Variants in SNTB1 observed in about 807,000 individuals in gnomAD.
The protein encoded by SNTB1 is syntrophin beta 1.
In SNTB1, 36 loss-of-function variants were observed where a neutral mutation model predicts 48.9. That is an observed-to-expected ratio of 0.74 (90% CI 0.56 to 0.97). SNTB1 has a LOEUF of 0.97. Among genes scored for constraint, SNTB1 ranks in the 50% least tolerant of loss-of-function variants. The probability of loss-of-function intolerance (pLI) is 0.00; values close to 1 mark genes in which losing one functional copy is unlikely to be tolerated. For synonymous variants in SNTB1, 299 were observed against 294.6 expected (o/e 1.01, Z -0.15); for missense variants, 786 against 703.4 (o/e 1.12, Z -1.33).
chr8:120,754,954 T>G (rs1819288954), intron 1 of SNTB1, among the ~76,000 whole-genome samples: 1 of 152,094 alleles, frequency 6.6e-6, no homozygotes, highest in Admixed American at 6.6e-5. Context: ...AAAGACACAA[T>G]TTTGACTTGC....
At chr8:120,578,981 A>C (rs1390007398) in intron 3 of SNTB1, among the ~76,000 whole-genome samples, 1 of 152,140 alleles carries the variant, frequency 6.6e-6, no homozygotes, top group African/African-American at 2.4e-5. Context: ...GTTTGAGACC[A>C]GGCTGGCCAG....
intron 1 of SNTB1, among the ~76,000 whole-genome samples, chr8:120,749,314 C>A (rs1047073700): frequency 6.6e-6 from 1 of 152,116 alleles, no homozygotes; most frequent in Non-Finnish European, 1.5e-5. Context: ...CATTCTCTTT[C>A]TTCTGTACAT....
intron 2 of SNTB1, among the ~76,000 whole-genome samples, chr8:120,674,826 T>C (rs2129796578): frequency 1.3e-5 from 2 of 152,290 alleles, no homozygotes; most frequent in Admixed American, 1.3e-4. Flanking sequence ...GTCTCTATTC[T>C]TTATTTTTCA....
At chr8:120,569,616 GA>G (rs1815809996) in intron 4 of SNTB1, among the ~76,000 whole-genome samples, 1 of 152,198 alleles carries the variant, frequency 6.6e-6, no homozygotes, top group Admixed American at 6.5e-5. Context: ...ACTGCTGTAG[GA>G]ATGTACAGCT....
Position 120,693,784 on chromosome 8 carries a change from C to G in SNTB1, c.696G>C (p.Ser232=). The G allele has an allele frequency of 6.2e-7, 1 of 1,613,934 alleles. No homozygotes were observed. Among genetic ancestry groups the G allele is most frequent in the Non-Finnish European group, 8.5e-7 (1 of 1,179,962 alleles). Residue 232 remains serine (S), a synonymous_variant, in exon 2 of 7, where the codon TCG becomes TCC. Coordinates refer to ENST00000517992, the MANE Select transcript of SNTB1 (RefSeq NM_021021.4). ...LGGSTSDPPS[S]QSFSFHRDRK... ...GGTCTCTGTGGAAGGAGAAGGACTG[C>G]GATGACGGGGGGTCTGAGGTGCTGC...
chr8:120,750,567 G>A (rs554029558), intron 1 of SNTB1, among the ~76,000 whole-genome samples: 8 of 152,146 alleles, frequency 5.3e-5, no homozygotes, highest in Non-Finnish European at 1.2e-4. Flanking sequence ...TAATAATGTT[G>A]CCAATACAGT....
intron 1 of SNTB1, among the ~76,000 whole-genome samples, chr8:120,697,665 T>C (rs1036994409): frequency 3.9e-5 from 6 of 152,102 alleles, no homozygotes; most frequent in Admixed American, 3.9e-4. Flanking sequence ...TGAGCAGGCA[T>C]AAAAATCAAA....
intron 4 of SNTB1, among the ~76,000 whole-genome samples, chr8:120,569,911 G>C (rs1587000195): frequency 6.6e-6 from 1 of 152,316 alleles, no homozygotes; most frequent in Non-Finnish European, 1.5e-5. Flanking sequence ...GTAAGGTCAG[G>C]CTGAGGCTGA....
At chr8:120,809,600 G>A (rs914466845) in intron 1 of SNTB1, among the ~76,000 whole-genome samples, 11 of 151,950 alleles carry the variant, frequency 7.2e-5, no homozygotes, top group East Asian at 1.9e-4. Flanking sequence ...AAAATGACCC[G>A]CCTTCCGCCC....
intron 1 of SNTB1, among the ~76,000 whole-genome samples, chr8:120,722,817 C>T (rs1818687200): frequency 6.6e-6 from 1 of 152,114 alleles, no homozygotes; most frequent in Non-Finnish European, 1.5e-5. Flanking sequence ...AGTCCTTGCC[C>T]ATGCCTATGT....
At chr8:120,645,864 T>G (rs1172567897) in intron 2 of SNTB1, among the ~76,000 whole-genome samples, 1 of 66,272 alleles carries the variant, frequency 1.5e-5, no homozygotes, top group African/African-American at 6.1e-5. Flanking sequence ...TAGTTCTCCT[T>G]GAAGAGGTCC....
chr8:120,654,294 A>T (rs1817462525), intron 2 of SNTB1, among the ~76,000 whole-genome samples: 2 of 152,030 alleles, frequency 1.3e-5, no homozygotes, highest in Admixed American at 1.3e-4. Context: ...GGAACTAGGA[A>T]AAAAGAGGGA....
intron 1 of SNTB1, 115 bp downstream of exon 1, chr8:120,811,158 G>C (rs934660079): frequency 3.8e-6 from 5 of 1,310,254 alleles, no homozygotes; most frequent in Middle Eastern, 2.8e-4. Context: ...ACACACACCC[G>C]GCCCCCTGGG....
intron 2 of SNTB1, among the ~76,000 whole-genome samples, chr8:120,657,381 TAGGCCA>T (rs2129737421): frequency 6.6e-6 from 1 of 152,318 alleles, no homozygotes; most frequent in Non-Finnish European, 1.5e-5. Flanking sequence ...TTTTATTTTC[TAGGCCA>T]ACTTTGATTA....
rs970761027 is a variant in SNTB1 at position 120,632,763 on chromosome 8, G to C, written c.789-112C>G. 1.0e-5 allele frequency: 9 copies of C among 861,590 alleles called. No homozygotes were observed. In the African/African-American group the frequency reaches 1.3e-4, roughly 13 times the overall value. 53.4% of individuals were successfully genotyped at this position (861,590 alleles called of 1,614,324 possible). On this transcript the variant is annotated intron_variant, in intron 2 of 6. Transcript: ENST00000517992. The stretch of plus-strand genomic sequence containing the variant: ...TTACTCCTTCTTTTAGACTTTGTCA[G>C]TTTCTAACGGGATGCCTTAACAGTC...
At chr8:120,676,770 A>G (rs749100361) in intron 2 of SNTB1, among the ~76,000 whole-genome samples, 2 of 152,200 alleles carry the variant, frequency 1.3e-5, no homozygotes, top group African/African-American at 2.4e-5. Flanking sequence ...AATTAAAACT[A>G]AACAGCTGGG....
At chr8:120,624,094 C>T (rs1816834656) in intron 3 of SNTB1, among the ~76,000 whole-genome samples, 1 of 152,098 alleles carries the variant, frequency 6.6e-6, no homozygotes, top group Non-Finnish European at 1.5e-5. Context: ...TGTGCCAACA[C>T]ACCTGGCTAA....
intron 1 of SNTB1, among the ~76,000 whole-genome samples, chr8:120,715,428 G>A (rs1002804312): frequency 1.4e-4 from 22 of 152,134 alleles, no homozygotes; most frequent in African/African-American, 5.1e-4. Flanking sequence ...ACTCAACAGA[G>A]CCCAGAAAAC....
chr8:120,665,447 CAAAT>C (rs202008122), intron 2 of SNTB1, among the ~76,000 whole-genome samples: 1 of 107,712 alleles, frequency 9.3e-6, no homozygotes, highest in Non-Finnish European at 2.1e-5. Flanking sequence ...ACTCCATCTC[CAAAT>C]AAATAAATAA....
Sources: allele counts gnomAD v4.1 joint callset (sites outside exome capture counted in the v4.1 genomes callset), GRCh38; gene constraint gnomAD v4.1.1; transcripts MANE v1.5; gene names NCBI Gene and HGNC (gene_info 2026-07-23, HGNC 2026-07-21).